AZGP1: variants seen among roughly 807,000 people sequenced by gnomAD.
The protein encoded by AZGP1 is zinc-alpha-2-glycoprotein.
In AZGP1, 28 loss-of-function variants were observed where a neutral mutation model predicts 31.5. The ratio of observed to expected loss-of-function variants is 0.89; its 90% CI spans 0.66 to 1.22. The LOEUF (loss-of-function observed/expected upper bound fraction) is 1.22. Ranked by LOEUF, AZGP1 falls within the 50% of genes most tolerant of loss-of-function variation. The probability of loss-of-function intolerance (pLI) is 0.00; values close to 1 mark genes in which losing one functional copy is unlikely to be tolerated. For synonymous variants in AZGP1, 135 were observed against 145.4 expected (o/e 0.93, Z 0.51); for missense variants, 361 against 371.8 (o/e 0.97, Z 0.24).
chr7:99,973,943 T>C (rs1412534002), intron 1 of AZGP1, among the ~76,000 whole-genome samples: 2 of 146,144 alleles, frequency 1.4e-5, no homozygotes, highest in Non-Finnish European at 3.0e-5. Flanking sequence ...TAAGACCTAC[T>C]ATTTGATAGC....
intron 2 of AZGP1, among the ~76,000 whole-genome samples, chr7:99,969,720 T>C (rs1164764113): frequency 6.6e-6 from 1 of 152,212 alleles, no homozygotes; most frequent in Non-Finnish European, 1.5e-5. Flanking sequence ...CCAAATTGGA[T>C]AGAAATTATT....
rs560740916 is a variant in AZGP1, at chr7:99,971,910, A to G, written c.173T>C (p.Phe58Ser). The G allele has an allele frequency of 6.2e-7, 1 of 1,614,126 alleles. No homozygotes were observed. Among genetic ancestry groups the G allele is most frequent in the Admixed American group, 1.7e-5 (1 of 60,014 alleles). ...QALGSLNDLQ[F>S]FRYNSKDRKS... ...CCTGTCTTTACTGTTGTATCTAAAG[A>G]ACTGGAGGTCATTGAGTGAGCCAAG... Residue 58 changes from phenylalanine to serine, a missense_variant, in exon 2 of 4, where the codon TTC becomes TCC. Coordinates refer to ENST00000292401, the MANE Select transcript of AZGP1 (RefSeq NM_001185.4).
rs151090185 is a variant in AZGP1 at position 99,976,005 on chromosome 7, G to T, written c.16C>A (p.Pro6Thr). Residue 6 changes from proline to threonine, a missense_variant, in exon 1 of 4, where the codon CCT (proline) becomes ACT (threonine). Pro to Thr is a conservative substitution (Grantham distance 38, BLOSUM62 -1). Transcript: ENST00000292401. ...AGCAGCAGCAGAGACAGCAGGACAG[G>T]CACCATTCTTACCATTGTGTCTGCT... MVRMV[P>T]VLLSLLLLLG... The T allele has an allele frequency of 6.2e-7, 1 of 1,614,076 alleles. No homozygotes were observed. The highest frequency in any genetic ancestry group is 1.1e-5 in the South Asian group (1 of 91,086).
rs534977463 is a variant in AZGP1 at position 99,966,775 on chromosome 7, A to G, written c.*228T>C. ...TTATTTATTAGCTTCTACAGATTAG[A>G]CAATGGGGTGGGGGTGGGCTCAAGG... On this transcript the variant is annotated 3_prime_UTR_variant, in exon 4 of 4. Coordinates refer to ENST00000292401, the MANE Select transcript of AZGP1 (RefSeq NM_001185.4). 8.3e-6 allele frequency: 5 copies of G among 605,978 alleles called. No homozygotes were observed. The highest frequency in any genetic ancestry group is 5.7e-5 in the African/African-American group (3 of 52,826). The allele number at this position is 605,978 out of a possible 1,614,324, so 37.5% of individuals were successfully genotyped here. A position where few individuals can be genotyped will look rare whatever the true frequency, so the allele number is the denominator to read the frequency against.
Position 99,967,174 on chromosome 7 carries a change from G to C in AZGP1, c.726C>G (p.Ala242=), listed in dbSNP as rs777083732. 1.2e-6 allele frequency: 2 copies of C among 1,614,100 alleles called. No homozygotes were observed. The highest frequency in any genetic ancestry group is 2.2e-5 in the South Asian group (2 of 91,072). Reference sequence around the variant, plus strand: ...GTAACTCAGGCTCCTGCACCTCGCCGGCCCGAGTCCAGTGCACATCAATTT... The same window carrying C: ...GTAACTCAGGCTCCTGCACCTCGCCCGCCCGAGTCCAGTGCACATCAATTT... ...PGKIDVHWTR[A]GEVQEPELRG... Residue 242 remains alanine, a synonymous_variant, in exon 4 of 4, where the codon GCC becomes GCG. Transcript: ENST00000292401.
chr7:99,967,529 TC>T, intron 3 of AZGP1: 2 of 565,668 alleles, frequency 3.5e-6, no homozygotes, highest in Non-Finnish European at 6.3e-6. Flanking sequence ...TCCGTGTGCT[TC>T]TCCATGTTTT....
Position 99,976,029 on chromosome 7 carries a change from C to T in AZGP1, c.-9G>A, listed in dbSNP as rs146937985. ...GGCACCATTCTTACCATTGTGTCTG[C>T]TTGGAGGGTTCTGGGCAGGAGGCAC... On this transcript the variant is annotated 5_prime_UTR_variant, in exon 1 of 4. Coordinates refer to ENST00000292401, the MANE Select transcript of AZGP1 (RefSeq NM_001185.4). 7.7e-4 allele frequency: 1,237 copies of T among 1,614,004 alleles called. 3 individuals are homozygous for T. The highest frequency in any genetic ancestry group is 1.5e-3 in the South Asian group (141 of 91,084).
At chr7:99,975,510 A>G (rs1789646720) in intron 1 of AZGP1, among the ~76,000 whole-genome samples, 4 of 151,950 alleles carry the variant, frequency 2.6e-5, no homozygotes, top group African/African-American at 9.7e-5. Flanking sequence ...GTTTCCTTCT[A>G]GCACCATCCC....
Position 99,966,957 on chromosome 7 carries a change from G to C in AZGP1, c.*46C>G. 1 of 1,589,040 alleles carries C rather than the reference G, an allele frequency of 6.3e-7. No individual in the cohort carries two copies. On this transcript the variant is annotated 3_prime_UTR_variant, in exon 4 of 4. Transcript: ENST00000292401. ...TCAGCTCCCACATCAGGCAGGAAGG[G>C]CAGCTACTGGGTCTGAGATCCCACA...
chr7:99,975,686 T>G (rs1479298759), intron 1 of AZGP1, among the ~76,000 whole-genome samples: 1 of 152,122 alleles, frequency 6.6e-6, no homozygotes, highest in African/African-American at 2.4e-5. Context: ...GCAGGTCGCT[T>G]GGTCTTTGGA....
intron 1 of AZGP1, among the ~76,000 whole-genome samples, chr7:99,975,720 G>A (rs891044087): frequency 6.6e-6 from 1 of 152,124 alleles, no homozygotes; most frequent in African/African-American, 2.4e-5. Flanking sequence ...CTGTAAACTA[G>A]GGGTTTTAGA....
chr7:99,974,548 C>T (rs1789629047), intron 1 of AZGP1, among the ~76,000 whole-genome samples: 2 of 152,138 alleles, frequency 1.3e-5, no homozygotes, highest in African/African-American at 4.8e-5. Context: ...GATCATGCCA[C>T]TGCACTCCTG....
At chr7:99,975,497 C>T (rs1461238485) in intron 1 of AZGP1, among the ~76,000 whole-genome samples, 1 of 152,078 alleles carries the variant, frequency 6.6e-6, no homozygotes. Context: ...GATTTGGGCA[C>T]GGGTTTCCTT....
At chr7:99,968,596 AACAG>A (rs1789530077) in intron 2 of AZGP1, 166 bp from the exon 3 acceptor site, 1 of 839,948 alleles carries the variant, frequency 1.2e-6, no homozygotes, top group African/African-American at 1.7e-5. Flanking sequence ...CAATATATAC[AACAG>A]ACAGAGAGGG....
chr7:99,967,692 T>A (rs757232162), intron 3 of AZGP1: 16 of 405,344 alleles, frequency 3.9e-5, no homozygotes, highest in Non-Finnish European at 6.7e-5. Flanking sequence ...CTTGCAGCCA[T>A]CAATTCCGCT....
chr7:99,969,832 C>T (rs2527923), intron 2 of AZGP1, among the ~76,000 whole-genome samples: 79,441 of 151,984 alleles, frequency 0.52, 21,448 homozygotes, highest in African/African-American at 0.65. Context: ...TTCTTTCTAC[C>T]TTTCTGGTGT....
rs1335083178 is a variant in AZGP1 at position 99,967,363 on chromosome 7, CT to C, written c.614-78del. On this transcript the variant is annotated intron_variant, in intron 3 of 3. Coordinates refer to ENST00000292401, the MANE Select transcript of AZGP1 (RefSeq NM_001185.4). ...CCCAGGTCTCTTCCTACCCCCACCC[CT>C]GGATGTCAGCGATCAGCAGAGCTCG... is the stretch of plus-strand genomic sequence containing the variant. 6.0e-6 allele frequency: 9 copies of C among 1,490,722 alleles called. No homozygotes were observed. In the East Asian group the frequency reaches 1.6e-4, roughly 27 times the overall value. The allele number at this position is 1,490,722 out of a possible 1,614,324, so 92.3% of individuals were successfully genotyped here.
At position 99,971,763 on chromosome 7, in the gene AZGP1, T is replaced by A; in HGVS notation, c.320A>T (p.Tyr107Phe). 1 of 1,614,078 alleles carries A rather than the reference T, an allele frequency of 6.2e-7. No homozygotes were observed. Among genetic ancestry groups the A allele is most frequent in the Non-Finnish European group, 8.5e-7 (1 of 1,179,978 alleles). The change falls in exon 2 of 4, where the codon TAT (tyrosine) becomes TTT (phenylalanine). Residue 107 changes from tyrosine to phenylalanine, a missense_variant. Coordinates refer to ENST00000292401, the MANE Select transcript of AZGP1 (RefSeq NM_001185.4). Reference protein sequence around the residue: ...FMETLKDIVEYYNDSNGSHVL... With the variant: ...FMETLKDIVEFYNDSNGSHVL... The stretch of plus-strand genomic sequence containing the variant: ...TCACTGACCGTTACTGTCGTTGTAA[T>A]ACTCCACGATGTCTTTCAGGGTCTC...
intron 1 of AZGP1, among the ~76,000 whole-genome samples, chr7:99,975,041 C>T (rs940352554): frequency 1.3e-5 from 2 of 152,126 alleles, no homozygotes; most frequent in African/African-American, 4.8e-5. Flanking sequence ...TAGTGTGAGT[C>T]AATTTCTTAA....
Sources: allele counts gnomAD v4.1 joint callset (sites outside exome capture counted in the v4.1 genomes callset), GRCh38; gene constraint gnomAD v4.1.1; transcripts MANE v1.5; gene names NCBI Gene and HGNC (gene_info 2026-07-23, HGNC 2026-07-21).